The following FCHSD2 variants were observed in gnomAD, a reference collection of about 807,000 sequenced individuals.
FCHSD2 encodes F-BAR and double SH3 domains protein 2.
In FCHSD2, 38 loss-of-function variants were observed where a neutral mutation model predicts 108.1. That is an observed-to-expected ratio of 0.35 (90% confidence interval 0.27 to 0.46). FCHSD2 has a LOEUF of 0.46. Among genes scored for constraint, FCHSD2 ranks in the 20% least tolerant of loss-of-function variants. The pLI is 1.00. For synonymous variants in FCHSD2, 279 were observed against 314.7 expected (o/e 0.89, Z 1.20); for missense variants, 751 against 897.8 (o/e 0.84, Z 2.09).
chr11:73,113,815 A>C (rs1027739020), intron 2 of FCHSD2, among the ~76,000 whole-genome samples: 3 of 152,228 alleles, frequency 2.0e-5, no homozygotes, highest in African/African-American at 7.2e-5. Context: ...CCCCAAGCCC[A>C]GTAATGCTAT....
intron 3 of FCHSD2, among the ~76,000 whole-genome samples, chr11:73,028,652 G>A (rs1858285593): frequency 6.6e-6 from 1 of 152,102 alleles, no homozygotes; most frequent in Admixed American, 6.6e-5. Flanking sequence ...GGTGGGCCAG[G>A]GGTGGAATGA....
At chr11:72,996,987 G>A (rs1003898841) in intron 5 of FCHSD2, among the ~76,000 whole-genome samples, 1 of 152,204 alleles carries the variant, frequency 6.6e-6, no homozygotes, top group Non-Finnish European at 1.5e-5. Context: ...GGAGACAGAG[G>A]TTGGAGTTTA....
chr11:72,931,413 T>A (rs1856189849), intron 8 of FCHSD2, among the ~76,000 whole-genome samples: 1 of 148,300 alleles, frequency 6.7e-6, no homozygotes, highest in Non-Finnish European at 1.5e-5. Flanking sequence ...AGCCTTAAAT[T>A]TTTTTTTTAA....
intron 2 of FCHSD2, among the ~76,000 whole-genome samples, chr11:73,090,926 C>T (rs534533658): frequency 6.6e-6 from 1 of 152,234 alleles, no homozygotes; most frequent in East Asian, 1.9e-4. Context: ...CGCTTCATTC[C>T]CCTTTCTTCT....
intron 3 of FCHSD2, among the ~76,000 whole-genome samples, chr11:73,033,159 G>A (rs994872307): frequency 8.6e-5 from 13 of 151,954 alleles, no homozygotes; most frequent in African/African-American, 2.2e-4. Context: ...ATGGTGGCGG[G>A]CACCTGTAGT....
chr11:73,096,623 C>T (rs1197528474), intron 2 of FCHSD2, among the ~76,000 whole-genome samples: 1 of 152,050 alleles, frequency 6.6e-6, no homozygotes, highest in Non-Finnish European at 1.5e-5. Flanking sequence ...ATGTCAAACA[C>T]AAGAGAATAG....
At chr11:73,025,740 T>C (rs1416932467) in intron 3 of FCHSD2, among the ~76,000 whole-genome samples, 2 of 152,210 alleles carry the variant, frequency 1.3e-5, no homozygotes, top group African/African-American at 4.8e-5. Context: ...GTGACTAAAC[T>C]ATATCTCTAA....
chr11:72,985,228 TA>T (rs1857288733), intron 6 of FCHSD2, 112 bp from the exon 7 acceptor site: 1 of 243,076 alleles, frequency 4.1e-6, no homozygotes, highest in South Asian at 1.3e-4. Flanking sequence ...GATACTGCTC[TA>T]AAAAAGAATG....
intron 9 of FCHSD2, among the ~76,000 whole-genome samples, chr11:72,913,238 T>C (rs1243570257): frequency 6.6e-6 from 1 of 152,140 alleles, no homozygotes; most frequent in African/African-American, 2.4e-5. Flanking sequence ...CCAAACCATA[T>C]TGGTAGGTTG....
At chr11:73,077,692 T>C (rs1437574632) in intron 3 of FCHSD2, 2 of 388,614 alleles carry the variant, frequency 5.1e-6, no homozygotes, top group South Asian at 1.9e-5. Flanking sequence ...TAAAAAGAAA[T>C]GAAATACTGA....
At chr11:72,915,677 G>A (rs1855857957) in intron 9 of FCHSD2, among the ~76,000 whole-genome samples, 3 of 152,092 alleles carry the variant, frequency 2.0e-5, no homozygotes, top group Admixed American at 2.0e-4. Context: ...AATTAGCCGG[G>A]CGCGGTGGTG....
intron 13 of FCHSD2, among the ~76,000 whole-genome samples, chr11:72,862,227 T>C (rs904826595): frequency 1.3e-5 from 2 of 152,208 alleles, no homozygotes; most frequent in African/African-American, 4.8e-5. Flanking sequence ...AGGATTTCTG[T>C]TGACTCTCAC....
At chr11:72,937,639 G>A (rs1468708511) in intron 8 of FCHSD2, among the ~76,000 whole-genome samples, 1 of 152,090 alleles carries the variant, frequency 6.6e-6, no homozygotes, top group African/African-American at 2.4e-5. Flanking sequence ...CACCGCGCCT[G>A]GCCAAAATAT....
At chr11:72,929,035 C>T (rs1353090658) in intron 8 of FCHSD2, among the ~76,000 whole-genome samples, 2 of 152,136 alleles carry the variant, frequency 1.3e-5, no homozygotes, top group African/African-American at 4.8e-5. Context: ...ATCCATGTCC[C>T]TACAAAGGAC....
At chr11:72,883,405 C>T (rs1337313512) in intron 12 of FCHSD2, among the ~76,000 whole-genome samples, 2 of 151,954 alleles carry the variant, frequency 1.3e-5, no homozygotes, top group African/African-American at 4.8e-5. Context: ...AGTACATGTA[C>T]CTAAAAAATG....
At chr11:73,112,440 A>G (rs1860507450) in intron 2 of FCHSD2, among the ~76,000 whole-genome samples, 1 of 151,908 alleles carries the variant, frequency 6.6e-6, no homozygotes, top group Admixed American at 6.6e-5. Context: ...GACATTTGGG[A>G]GTTTCATTAT....
intron 14 of FCHSD2, among the ~76,000 whole-genome samples, chr11:72,846,470 G>A (rs1440348448): frequency 2.0e-5 from 3 of 151,984 alleles, no homozygotes; most frequent in Non-Finnish European, 4.4e-5. Flanking sequence ...GTGAGCTACC[G>A]TGCCCAGCCC....
At chr11:72,892,150 G>A (rs1419839103) in intron 10 of FCHSD2, among the ~76,000 whole-genome samples, 7 of 152,170 alleles carry the variant, frequency 4.6e-5, no homozygotes, top group African/African-American at 1.7e-4. Flanking sequence ...TTTAGGAATA[G>A]GTAAAGGGGT....
At chr11:73,072,573 A>G (rs906162351) in intron 3 of FCHSD2, among the ~76,000 whole-genome samples, 1 of 152,190 alleles carries the variant, frequency 6.6e-6, no homozygotes, top group African/African-American at 2.4e-5. Context: ...ATAAACAGTA[A>G]GATTTTAAAA....
Sources: allele counts gnomAD v4.1 joint callset (sites outside exome capture counted in the v4.1 genomes callset), GRCh38; gene constraint gnomAD v4.1.1; transcripts MANE v1.5; gene names NCBI Gene and HGNC (gene_info 2026-07-23, HGNC 2026-07-21).